The following ZNF862 variants were observed in gnomAD, a reference collection of about 807,000 sequenced individuals.
ZNF862 encodes the protein zinc finger protein 862.
ZNF862 carries 64 observed loss-of-function variants against 91.1 expected under a neutral mutation model. That is an observed-to-expected ratio of 0.70 (90% CI 0.57 to 0.87). ZNF862 has a LOEUF of 0.87. Ranked by LOEUF, ZNF862 falls within the 40% of genes least tolerant of loss-of-function variation. The probability of loss-of-function intolerance (pLI) is 0.00; values close to 1 mark genes in which losing one functional copy is unlikely to be tolerated. For missense variants in ZNF862, 1,459 were observed against 1,528.0 expected (o/e 0.95, Z 0.75); for synonymous variants, 631 against 618.1 (o/e 1.02, Z -0.31).
At chr7:149,860,347 G>A (rs1309431455) in intron 6 of ZNF862, 36 bp from the exon 7 acceptor site, 1 of 1,567,990 alleles carries the variant, frequency 6.4e-7, no homozygotes, top group East Asian at 2.2e-5. Context: ...AGAGTTCTGG[G>A]TAGCAGAACC....
In ZNF862 at chr7:149,865,834, G is replaced by C. The variant is rs534480154; in HGVS notation, c.*1550G>C. 3 of 152,256 alleles carry C rather than the reference G, an allele frequency of 2.0e-5. No homozygotes were observed. Among genetic ancestry groups the C allele is most frequent in the Non-Finnish European group, 4.4e-5 (3 of 68,136 alleles). The allele number at this position is 152,256 out of a possible 1,614,324, so 9.4% of individuals were successfully genotyped here. ...GTGGGCCCTTTCTCCATAGTCTGCC[G>C]CTTCCCATTCCCAGGGTAGATGCTG... On this transcript the variant is annotated 3_prime_UTR_variant, in exon 8 of 8. Coordinates refer to ENST00000223210, the MANE Select transcript of ZNF862 (RefSeq NM_001099220.3).
chr7:149,853,799 G>A (rs561788339), intron 5 of ZNF862, among the ~76,000 whole-genome samples: 8 of 152,086 alleles, frequency 5.3e-5, no homozygotes, highest in South Asian at 2.1e-4. Context: ...TTAGCCGAGC[G>A]TAGTGGCACA....
chr7:149,863,603 A>T (rs1310002766), intron 7 of ZNF862, among the ~76,000 whole-genome samples: 2 of 152,204 alleles, frequency 1.3e-5, no homozygotes, highest in African/African-American at 2.4e-5. Flanking sequence ...GGAGAAAAAA[A>T]TGATGTCAGG....
rs563392239 is a variant in ZNF862 at position 149,840,942 on chromosome 7, G to T, written c.24+2307G>T. The T allele has an allele frequency of 1.5e-5, 15 of 985,392 alleles. No individual in the cohort carries two copies. The East Asian group carries it at 1.1e-3, about 75-fold the overall frequency. The allele number at this position is 985,392 out of a possible 1,614,324, so 61.0% of individuals were successfully genotyped here. A position where few individuals can be genotyped will look rare whatever the true frequency, so the allele number is the denominator to read the frequency against. On this transcript the variant is annotated intron_variant, in intron 1 of 7. Coordinates refer to ENST00000223210, the MANE Select transcript of ZNF862 (RefSeq NM_001099220.3). ...TGTACAAACATTTTGGGAGGTAGAG[G>T]AGAAACCTGATTCCGTGTCCTGTCC...
In ZNF862 at chr7:149,861,547, C is replaced by T. The variant is rs1051570871; in HGVS notation, c.2387C>T (p.Thr796Met). The stretch of plus-strand genomic sequence containing the variant: ...CGCTGGGTGGCCAGCAGGAGGCGCA[C>T]GCTGCACGCGCTGCTCGTGAGCTGG... ...AVRWVASRRR[T>M]LHALLVSWPA... is the part of the protein sequence containing the mutation. Residue 796 changes from threonine to methionine, a missense_variant, in exon 7 of 8, where the codon ACG (threonine) becomes ATG (methionine). Physicochemically the swap from Thr to Met is moderately conservative, Grantham distance 81. Coordinates refer to ENST00000223210, the MANE Select transcript of ZNF862 (RefSeq NM_001099220.3). This position sits in a 1 kb window ranked among gnomAD's most constrained non-coding sequence, Gnocchi z 6.7. 6.3e-6 allele frequency: 10 copies of T among 1,597,388 alleles called. No individual in the cohort carries two copies. Among genetic ancestry groups the T allele is most frequent in the Admixed American group, 5.2e-5 (3 of 57,658 alleles).
chr7:149,856,705 C>T (rs746794034), intron 5 of ZNF862, among the ~76,000 whole-genome samples: 19 of 152,268 alleles, frequency 1.2e-4, no homozygotes, highest in African/African-American at 2.6e-4. Context: ...GTTAGGCCTG[C>T]GGCACACCTG....
Position 149,862,220 on chromosome 7 carries a change from C to T in ZNF862, c.3060C>T (p.Pro1020=). 2 of 1,613,752 alleles carry T rather than the reference C, an allele frequency of 1.2e-6. No individual in the cohort carries two copies. Among genetic ancestry groups the T allele is most frequent in the Non-Finnish European group, 1.7e-6 (2 of 1,179,886 alleles). ...CCCTGGCCCAGCACTGCCGCTTCCC[C>T]CTGCTAAGCAAGCTCATGGCCGTGG... The part of the protein sequence containing the change: ...KNALAQHCRF[P]LLSKLMAVVV... The change falls in exon 7 of 8, where the codon CCC becomes CCT. Residue 1020 remains proline (P), a synonymous_variant. Transcript: ENST00000223210.
rs1324928834 is a variant in ZNF862, at chr7:149,850,545, G to A, written c.1117+207G>A. ...CATCCACCCACCTGTTCATCCATTCGTCCCCCACCAAACATTTTGGAGTAC... is the reference window on the plus strand; with the variant it reads ...CATCCACCCACCTGTTCATCCATTCATCCCCCACCAAACATTTTGGAGTAC... On this transcript the variant is annotated intron_variant, in intron 5 of 7. Coordinates refer to ENST00000223210, the MANE Select transcript of ZNF862 (RefSeq NM_001099220.3). This position sits in a 1 kb window ranked among gnomAD's most constrained non-coding sequence, Gnocchi z 4.2. 10 of 552,084 alleles carry A rather than the reference G, an allele frequency of 1.8e-5. No individual in the cohort carries two copies. Among genetic ancestry groups the A allele is most frequent in the East Asian group, 3.1e-5 (1 of 32,656 alleles). 34.2% of individuals were successfully genotyped at this position (552,084 alleles called of 1,614,324 possible). A position where few individuals can be genotyped will look rare whatever the true frequency, so the allele number is the denominator to read the frequency against.
intron 6 of ZNF862, chr7:149,860,115 T>C (rs1802407032): frequency 1.4e-5 from 7 of 496,848 alleles, no homozygotes; most frequent in Non-Finnish European, 2.5e-5. Context: ...TGTCACATGA[T>C]CCCAGGGTAG....
In ZNF862 at chr7:149,864,483, A is replaced by G. The variant is rs1802644631; in HGVS notation, c.*199A>G. The G allele has an allele frequency of 5.2e-6, 3 of 579,270 alleles. No homozygotes were observed. The highest frequency in any genetic ancestry group is 9.2e-6 in the Non-Finnish European group (3 of 327,662). The allele number at this position is 579,270 out of a possible 1,614,324, so 35.9% of individuals were successfully genotyped here. On this transcript the variant is annotated 3_prime_UTR_variant, in exon 8 of 8. Transcript: ENST00000223210. Reference sequence around the variant, plus strand: ...TCCTGAGGCCCCACTCAGCACAGCCATGCCTCACAGCACACAAATGTGCCA... The same window carrying G: ...TCCTGAGGCCCCACTCAGCACAGCCGTGCCTCACAGCACACAAATGTGCCA...
At chr7:149,862,556 C>T in intron 7 of ZNF862, 62 bp downstream of exon 7, 1 of 1,480,224 alleles carries the variant, frequency 6.8e-7, no homozygotes, top group Non-Finnish European at 9.0e-7. Context: ...GCCAATAAGA[C>T]AGGACTGCAG....
chr7:149,844,004 G>A (rs564296873), intron 1 of ZNF862, among the ~76,000 whole-genome samples: 2 of 152,092 alleles, frequency 1.3e-5, no homozygotes, highest in Non-Finnish European at 2.9e-5. Context: ...TATTATAGTG[G>A]GGGTTTTGTT....
rs759284191 is a variant in ZNF862, at chr7:149,861,059, C to G, written c.1899C>G (p.Asp633Glu). 6.2e-7 allele frequency: 1 copy of G among 1,612,578 alleles called. No individual in the cohort carries two copies. Among genetic ancestry groups the G allele is most frequent in the African/African-American group, 1.3e-5 (1 of 74,930 alleles). The part of the protein sequence containing the change: ...CVSVLLDSST[D>E]ASEQACVGIY... ...GCGTGCTGCTGGACAGCTCCACCGA[C>G]GCCTCCGAGCAGGCCTGCGTGGGGA... Residue 633 changes from aspartate to glutamate, a missense_variant, in exon 7 of 8, where the codon GAC becomes GAG. Asp to Glu is a conservative substitution (Grantham distance 45, BLOSUM62 2). Transcript: ENST00000223210. The surrounding 1 kb of genome is among the most constrained non-coding windows in gnomAD (Gnocchi z 6.7).
At chr7:149,838,937 C>T (rs951603876) in intron 1 of ZNF862, among the ~76,000 whole-genome samples, 2 of 152,232 alleles carry the variant, frequency 1.3e-5, no homozygotes, top group Non-Finnish European at 2.9e-5. Flanking sequence ...GTTTTCCCCA[C>T]CACCTTCGGC....
Position 149,838,381 on chromosome 7 carries a change from C to G in ZNF862, c.-231C>G, listed in dbSNP as rs531233747. The G allele has an allele frequency of 1.0e-5, 4 of 394,376 alleles. No individual in the cohort carries two copies. The highest frequency in any genetic ancestry group is 3.6e-5 in the East Asian group (1 of 27,902). 24.4% of individuals were successfully genotyped at this position (394,376 alleles called of 1,614,324 possible). On this transcript the variant is annotated 5_prime_UTR_variant, in exon 1 of 8. Coordinates refer to ENST00000223210, the MANE Select transcript of ZNF862 (RefSeq NM_001099220.3). ...CCGCCGCCTGGGGCTGGGCAGTGACCGTAAAGCTGTTCGCTCGGTGCGACG... is the reference window on the plus strand; with the variant it reads ...CCGCCGCCTGGGGCTGGGCAGTGACGGTAAAGCTGTTCGCTCGGTGCGACG...
intron 3 of ZNF862, among the ~76,000 whole-genome samples, chr7:149,846,985 T>C (rs937832889): frequency 6.6e-6 from 1 of 152,260 alleles, no homozygotes; most frequent in African/African-American, 2.4e-5. Context: ...TCTGTTGGCC[T>C]GGCACAAAAA....
intron 5 of ZNF862, among the ~76,000 whole-genome samples, chr7:149,852,372 TGAGA>T (rs796413969): frequency 0.022 from 3,134 of 143,672 alleles, 33 homozygotes; most frequent in Non-Finnish European, 0.029. Flanking sequence ...TGTGTGTGTG[TGAGA>T]GAGAGAGAGA....
At chr7:149,853,364 G>C (rs1162016316) in intron 5 of ZNF862, among the ~76,000 whole-genome samples, 3 of 152,300 alleles carry the variant, frequency 2.0e-5, no homozygotes, top group African/African-American at 7.2e-5. Context: ...GTGTGTGCAC[G>C]CACTCGCCAC....
intron 3 of ZNF862, among the ~76,000 whole-genome samples, chr7:149,846,939 C>G (rs188675980): frequency 6.0e-4 from 92 of 152,340 alleles, no homozygotes; most frequent in Non-Finnish European, 1.8e-4. Flanking sequence ...CTGACTCTTA[C>G]TAACAGCTTC....
Sources: allele counts gnomAD v4.1 joint callset (sites outside exome capture counted in the v4.1 genomes callset), GRCh38; gene constraint gnomAD v4.1.1; non-coding constraint Gnocchi (gnomAD v3.1); transcripts MANE v1.5; gene names NCBI Gene and HGNC (gene_info 2026-07-23, HGNC 2026-07-21).